RSPO2: variants seen among roughly 807,000 people sequenced by gnomAD.
The protein encoded by RSPO2 is R-spondin 2, also known as R-spondin-2.
Under a neutral mutation model 30.9 loss-of-function variants are expected in RSPO2, and 14 were observed. That is an observed-to-expected ratio of 0.45 (90% confidence interval 0.30 to 0.71). The LOEUF (loss-of-function observed/expected upper bound fraction) is 0.71. Ranked by LOEUF, RSPO2 falls within the 30% of genes least tolerant of loss-of-function variation. The pLI, the probability that RSPO2 is intolerant of heterozygous loss-of-function variation, is 0.08. For synonymous variants in RSPO2, 107 were observed against 96.4 expected (o/e 1.11, Z -0.64); for missense variants, 264 against 301.9 (o/e 0.87, Z 0.93).
intron 2 of RSPO2, among the ~76,000 whole-genome samples, chr8:108,031,955 G>A (rs1811436254): frequency 1.3e-5 from 2 of 152,140 alleles, no homozygotes; most frequent in Non-Finnish European, 2.9e-5. Flanking sequence ...GATTGGCAGA[G>A]AACAGTAGGG....
At chr8:108,017,026 T>C (rs1229753302) in intron 2 of RSPO2, among the ~76,000 whole-genome samples, 1 of 150,834 alleles carries the variant, frequency 6.6e-6, no homozygotes, top group East Asian at 1.9e-4. Context: ...TTTTTTTTTC[T>C]TTTTTTTTGA....
intron 2 of RSPO2, among the ~76,000 whole-genome samples, chr8:108,006,185 C>A (rs919551544): frequency 2.6e-5 from 4 of 152,098 alleles, no homozygotes; most frequent in African/African-American, 9.7e-5. Context: ...ATAAGAACAT[C>A]TTTACATAAT....
chr8:108,045,755 C>T (rs906013281), intron 2 of RSPO2, among the ~76,000 whole-genome samples: 5 of 152,080 alleles, frequency 3.3e-5, no homozygotes, highest in Non-Finnish European at 5.9e-5. Context: ...TATACTGATA[C>T]ATACATCTGA....
chr8:108,005,815 G>C (rs1330721832), intron 2 of RSPO2, among the ~76,000 whole-genome samples: 1 of 152,160 alleles, frequency 6.6e-6, no homozygotes, highest in Non-Finnish European at 1.5e-5. Flanking sequence ...GATGGAACAA[G>C]ATTTCCAAGT....
At chr8:108,080,908 G>A (rs1012130889) in intron 2 of RSPO2, among the ~76,000 whole-genome samples, 1 of 152,176 alleles carries the variant, frequency 6.6e-6, no homozygotes, top group Admixed American at 6.5e-5. Flanking sequence ...ATCAAAAATT[G>A]CTGGCTCTGC....
chr8:108,004,259 G>C (rs1168300099), intron 2 of RSPO2, among the ~76,000 whole-genome samples: 2 of 152,160 alleles, frequency 1.3e-5, no homozygotes, highest in African/African-American at 2.4e-5. Flanking sequence ...TTTACTGTTT[G>C]GGCATTCAGC....
At chr8:107,957,695 T>A (rs558784387) in intron 5 of RSPO2, among the ~76,000 whole-genome samples, 1 of 152,212 alleles carries the variant, frequency 6.6e-6, no homozygotes, top group South Asian at 2.1e-4. Flanking sequence ...TAAACCTTTC[T>A]AATCTAAACT....
chr8:108,060,445 G>T (rs1812415949), intron 2 of RSPO2, among the ~76,000 whole-genome samples: 1 of 151,708 alleles, frequency 6.6e-6, no homozygotes, highest in Non-Finnish European at 1.5e-5. Context: ...GATTGAAGAT[G>T]AAATGAATGA....
intron 2 of RSPO2, among the ~76,000 whole-genome samples, chr8:108,049,472 G>A (rs1474183768): frequency 6.6e-6 from 1 of 151,694 alleles, no homozygotes; most frequent in Non-Finnish European, 1.5e-5. Context: ...GTGCCATGGT[G>A]GTTTGCTGCA....
chr8:108,049,965 C>G (rs1586658424), intron 2 of RSPO2, among the ~76,000 whole-genome samples: 1 of 152,142 alleles, frequency 6.6e-6, no homozygotes, highest in East Asian at 1.9e-4. Context: ...CTTTAAAATC[C>G]TAACATTTAG....
intron 2 of RSPO2, among the ~76,000 whole-genome samples, chr8:107,999,903 A>G (rs891865007): frequency 2.6e-5 from 4 of 152,172 alleles, no homozygotes; most frequent in South Asian, 2.1e-4. Flanking sequence ...ATCCTCATAC[A>G]TTGGCACCTC....
Position 108,045,666 on chromosome 8 carries a change from T to C in RSPO2, c.94+36879A>G, listed in dbSNP as rs115567726. On this transcript the variant is annotated intron_variant, in intron 2 of 5. Transcript: ENST00000276659. ...GGAGGGCAGATATGTCTGAGCCATA[T>C]GTAGCTGCAACACAAGGTTAACTGA... Among the ~76,000 whole-genome samples the C allele has an allele frequency of 3.5e-3, 534 of 152,268 alleles. 4 individuals are homozygous for C. The highest frequency in any genetic ancestry group is 0.012 in the African/African-American group (506 of 41,572).
chr8:107,904,075 C>T (rs1182728530), intron 5 of RSPO2, among the ~76,000 whole-genome samples: 1 of 151,936 alleles, frequency 6.6e-6, no homozygotes, highest in Non-Finnish European at 1.5e-5. Flanking sequence ...ACAAAAAAAT[C>T]CTCGTTTTAT....
At position 107,901,184 on chromosome 8, in the gene RSPO2, C is replaced by T; in HGVS notation, c.623G>A (p.Arg208Lys). The T allele has an allele frequency of 6.2e-7, 1 of 1,612,366 alleles. No individual in the cohort carries two copies. The highest frequency in any genetic ancestry group is 8.5e-7 in the Non-Finnish European group (1 of 1,179,404). The change falls in exon 6 of 6, where the codon AGA becomes AAA. Residue 208 changes from arginine (R) to lysine (K), a missense_variant. Physicochemically the swap from Arg to Lys is conservative, Grantham distance 26. Transcript: ENST00000276659. ...MTMRHCPGGKRTPKAKEKRNK... is the reference protein window; with the variant it reads ...MTMRHCPGGKKTPKAKEKRNK... Reference sequence around the variant, plus strand: ...CCTCTTCTCCTTCGCCTTTGGTGTTCTCTTCCCTGCAATGAAGGAAAGAAA... The same window carrying T: ...CCTCTTCTCCTTCGCCTTTGGTGTTTTCTTCCCTGCAATGAAGGAAAGAAA...
chr8:108,035,590 C>T (rs1052793108), intron 2 of RSPO2, among the ~76,000 whole-genome samples: 1 of 152,192 alleles, frequency 6.6e-6, no homozygotes, highest in Admixed American at 6.5e-5. Flanking sequence ...CCTGCCTCAG[C>T]CTCCCGAGTA....
Position 107,899,515 on chromosome 8 carries a change from T to C in RSPO2, c.*1560A>G, listed in dbSNP as rs1811373159. 6.6e-6 allele frequency: 1 copy of C among 152,632 alleles called. No homozygotes were observed. Among genetic ancestry groups the C allele is most frequent in the African/African-American group, 2.4e-5 (1 of 41,448 alleles). The allele number at this position is 152,632 out of a possible 1,614,324, so 9.5% of individuals were successfully genotyped here. A position where few individuals can be genotyped will look rare whatever the true frequency, so the allele number is the denominator to read the frequency against. The stretch of plus-strand genomic sequence containing the variant: ...GTATACAACATTCATATGTGGCTTA[T>C]TATCTCATAGCAATATTTTCATAAC... On this transcript the variant is annotated 3_prime_UTR_variant, in exon 6 of 6. Transcript: ENST00000276659.
chr8:107,935,247 A>C (rs571647987), intron 5 of RSPO2, among the ~76,000 whole-genome samples: 1 of 152,348 alleles, frequency 6.6e-6, no homozygotes, highest in South Asian at 2.1e-4. Context: ...GTTGCAGATA[A>C]AAATTACATA....
At chr8:107,983,886 G>A in intron 3 of RSPO2, 2 of 1,440,972 alleles carry the variant, frequency 1.4e-6, no homozygotes, top group South Asian at 1.1e-5. Flanking sequence ...GGACATTCCT[G>A]TCTTCCGCCC....
intron 2 of RSPO2, among the ~76,000 whole-genome samples, chr8:107,995,420 C>T (rs1814986113): frequency 6.6e-6 from 1 of 152,078 alleles, no homozygotes; most frequent in Admixed American, 6.6e-5. Context: ...GTTTTTCATA[C>T]ACATCATACT....
Sources: allele counts gnomAD v4.1 joint callset (sites outside exome capture counted in the v4.1 genomes callset), GRCh38; gene constraint gnomAD v4.1.1; transcripts MANE v1.5; gene names NCBI Gene and HGNC (gene_info 2026-07-23, HGNC 2026-07-21).